Variants in PTDSS2 observed in about 807,000 individuals in gnomAD.
PTDSS2 encodes phosphatidylserine synthase 2, also known as PSS-2.
Under a neutral mutation model 64.7 loss-of-function variants are expected in PTDSS2, and 41 were observed. The ratio of observed to expected loss-of-function variants is 0.63; its 90% CI spans 0.49 to 0.82. PTDSS2 has a LOEUF of 0.82. Among genes scored for constraint, PTDSS2 ranks in the 40% least tolerant of loss-of-function variants. PTDSS2 has a pLI of 0.00. For missense variants in PTDSS2, 485 were observed against 650.0 expected, an observed-to-expected ratio of 0.75 and a Z score of 2.76; for synonymous variants, 297 against 277.8, an observed-to-expected ratio of 1.07 and a Z score of -0.69.
chr11:483,841 CTG>C (rs1049592716), intron 4 of PTDSS2, among the ~76,000 whole-genome samples: 4 of 152,310 alleles, frequency 2.6e-5, no homozygotes, highest in African/African-American at 9.6e-5. Flanking sequence ...CAGTATTTGT[CTG>C]GGGTGAAGGC....
At chr11:469,802 G>A (rs906004501) in intron 2 of PTDSS2, among the ~76,000 whole-genome samples, 1 of 152,014 alleles carries the variant, frequency 6.6e-6, no homozygotes, top group Non-Finnish European at 1.5e-5. Flanking sequence ...TTCCAGCACC[G>A]GGGCAGGAAA....
chr11:481,011 G>C (rs921559524), intron 4 of PTDSS2, among the ~76,000 whole-genome samples: 5 of 151,790 alleles, frequency 3.3e-5, no homozygotes, highest in Admixed American at 6.6e-5. Context: ...CTGAACCCGG[G>C]AGGCAGAGCT....
At chr11:454,215 C>A (rs1222426207) in intron 1 of PTDSS2, among the ~76,000 whole-genome samples, 1 of 152,100 alleles carries the variant, frequency 6.6e-6, no homozygotes, top group Non-Finnish European at 1.5e-5. Context: ...TGCCTGGTGC[C>A]CTTTCTCTGG....
At position 489,539 on chromosome 11, in the gene PTDSS2, G is replaced by C. The variant is rs1389135792; in HGVS notation, c.969+25G>C. 7 of 1,609,616 alleles carry C rather than the reference G, an allele frequency of 4.3e-6. No individual in the cohort carries two copies. In the South Asian group the frequency reaches 7.7e-5, roughly 18 times the overall value. ...GGTAAGGCCGGGCTGCCTCGCGACGGCGCGGCGGGCGGGGGGCCAGAGCTG... is the reference window on the plus strand; with the variant it reads ...GGTAAGGCCGGGCTGCCTCGCGACGCCGCGGCGGGCGGGGGGCCAGAGCTG... On this transcript the variant is annotated intron_variant, in intron 9 of 11. Transcript: ENST00000308020.
intron 1 of PTDSS2, among the ~76,000 whole-genome samples, chr11:457,321 C>T (rs1267503804): frequency 2.0e-5 from 3 of 152,244 alleles, no homozygotes; most frequent in Admixed American, 6.5e-5. Context: ...CCCGTGTCTC[C>T]GCTCCAGTCT....
intron 1 of PTDSS2, among the ~76,000 whole-genome samples, chr11:454,832 G>A (rs1260795142): frequency 6.6e-6 from 1 of 152,208 alleles, no homozygotes; most frequent in Non-Finnish European, 1.5e-5. Flanking sequence ...ACTTGTGTTA[G>A]TGTGTGATCC....
chr11:459,651 C>G (rs1171308185), intron 1 of PTDSS2: 1 of 156,198 alleles, frequency 6.4e-6, no homozygotes, highest in African/African-American at 2.4e-5. Flanking sequence ...GCCTCCTCCT[C>G]CCACGTCTGG....
Position 450,629 on chromosome 11 carries a change from C to G in PTDSS2, c.174C>G (p.Thr58=). Reference sequence around the variant, plus strand: ...AGGTCTACGACGACGGCACCAACACCTTCTTCTGGTGAGGGCAGTGGGCGG... The same window carrying G: ...AGGTCTACGACGACGGCACCAACACGTTCTTCTGGTGAGGGCAGTGGGCGG... ...ESEVYDDGTN[T]FFWRAHTLTV... is the part of the protein sequence containing the mutation. The change falls in exon 1 of 12, where the codon ACC becomes ACG. Residue 58 remains threonine, a synonymous_variant. Coordinates refer to ENST00000308020, the MANE Select transcript of PTDSS2 (RefSeq NM_030783.3). The G allele has an allele frequency of 8.0e-7, 1 of 1,243,606 alleles. No homozygotes were observed. Among genetic ancestry groups the G allele is most frequent in the East Asian group, 3.2e-5 (1 of 31,582 alleles). 77.0% of individuals were successfully genotyped at this position (1,243,606 alleles called of 1,614,324 possible).
At chr11:485,072 GGCAC>G (rs1848262312) in intron 4 of PTDSS2, among the ~76,000 whole-genome samples, 1 of 90,494 alleles carries the variant, frequency 1.1e-5, no homozygotes, top group Non-Finnish European at 2.2e-5. Context: ...AAACTGCACG[GGCAC>G]GTGTGCTTAC....
chr11:466,737 C>T (rs991272550), intron 2 of PTDSS2, among the ~76,000 whole-genome samples: 3 of 152,126 alleles, frequency 2.0e-5, no homozygotes, highest in Non-Finnish European at 2.9e-5. Context: ...ACCATCAGCT[C>T]TCGTGAGACT....
chr11:490,401 G>C lies in PTDSS2; in HGVS notation c.1302-19G>C. On this transcript the variant is annotated intron_variant, in intron 11 of 11. Coordinates refer to ENST00000308020, the MANE Select transcript of PTDSS2 (RefSeq NM_030783.3). ...GGCTGGTGTGGGGGCAGGTGGTGAC[G>C]CTGCATCCCGCTCCCCAGGGACATC... is the stretch of plus-strand genomic sequence containing the variant. The C allele has an allele frequency of 6.2e-7, 1 of 1,613,062 alleles. No homozygotes were observed. The highest frequency in any genetic ancestry group is 1.1e-5 in the South Asian group (1 of 91,084).
At chr11:454,002 G>A (rs924238898) in intron 1 of PTDSS2, among the ~76,000 whole-genome samples, 2 of 152,258 alleles carry the variant, frequency 1.3e-5, no homozygotes, top group Non-Finnish European at 2.9e-5. Flanking sequence ...AGGAGCCATT[G>A]AACAGACCTG....
At chr11:474,061 G>C (rs1847604974) in intron 3 of PTDSS2, 84 bp downstream of exon 3, 1 of 1,156,902 alleles carries the variant, frequency 8.6e-7, no homozygotes, top group East Asian at 2.3e-5. Context: ...CTGGGTGTGA[G>C]TGTCCTGTCC....
chr11:471,091 G>A (rs1847404587), intron 2 of PTDSS2, among the ~76,000 whole-genome samples: 2 of 146,566 alleles, frequency 1.4e-5, no homozygotes, highest in South Asian at 4.3e-4. Context: ...AAGTACTTAA[G>A]TAATTCTTTT....
intron 2 of PTDSS2, among the ~76,000 whole-genome samples, chr11:467,140 G>T (rs1021772699): frequency 2.6e-5 from 4 of 152,032 alleles, no homozygotes; most frequent in Admixed American, 1.3e-4. Flanking sequence ...GCAGTGAGCC[G>T]AGATGGGGCC....
intron 3 of PTDSS2, among the ~76,000 whole-genome samples, chr11:475,803 C>T (rs577744698): frequency 2.0e-5 from 3 of 151,934 alleles, no homozygotes; most frequent in Admixed American, 6.5e-5. Context: ...ATTTAACTAA[C>T]TTATTTAAGC....
At chr11:474,693 CCT>C (rs1248085142) in intron 3 of PTDSS2, among the ~76,000 whole-genome samples, 1 of 152,190 alleles carries the variant, frequency 6.6e-6, no homozygotes, top group African/African-American at 2.4e-5. Flanking sequence ...GGTTGTTTCC[CCT>C]GAGTGGCCAC....
intron 1 of PTDSS2, among the ~76,000 whole-genome samples, chr11:453,531 G>A (rs1003331816): frequency 2.0e-5 from 3 of 152,224 alleles, no homozygotes; most frequent in African/African-American, 7.2e-5. Context: ...CTTTATGTGT[G>A]AGGTGACCTC....
chr11:489,312 G>A (rs1013477422), intron 8 of PTDSS2, 88 bp from the exon 9 acceptor site: 27 of 1,125,722 alleles, frequency 2.4e-5, no homozygotes, highest in East Asian at 5.0e-5. Context: ...GGGCGGGGCC[G>A]GGTGACCAGG....
Sources: gnomAD v4.1 joint callset for allele counts (sites outside exome capture counted in the v4.1 genomes callset) on GRCh38, gnomAD v4.1.1 for gene constraint, MANE v1.5 for transcripts, NCBI Gene and HGNC (gene_info 2026-07-23, HGNC 2026-07-21) for gene names.